The following TENM3 variants were observed in gnomAD, a reference collection of about 807,000 sequenced individuals.
TENM3 encodes teneurin transmembrane protein 3.
Under a neutral mutation model 255.1 loss-of-function variants are expected in TENM3, and 63 were observed. The observed-to-expected ratio is 0.25, with a 90% CI of 0.20 to 0.30. The LOEUF (loss-of-function observed/expected upper bound fraction) is 0.30, where lower values mean the gene tolerates loss of function less well. Among genes scored for constraint, TENM3 ranks in the 10% least tolerant of loss-of-function variants. The probability of loss-of-function intolerance (pLI) is 1.00; values close to 1 mark genes in which losing one functional copy is unlikely to be tolerated. For missense variants in TENM3, 2,929 were observed against 3,461.1 expected, an observed-to-expected ratio of 0.85 and a Z score of 3.86; for synonymous variants, 1,306 against 1,322.3, an observed-to-expected ratio of 0.99 and a Z score of 0.27.
chr4:182,356,328 C>T (rs985067022), intron 3 of TENM3, among the ~76,000 whole-genome samples: 3 of 152,062 alleles, frequency 2.0e-5, no homozygotes, highest in African/African-American at 7.2e-5. Context: ...CATAGTGAGA[C>T]CCCATCTCAG....
At chr4:181,572,799 A>T in the TENM3 span, among the ~76,000 whole-genome samples, 5 of 152,178 alleles carry the variant, frequency 3.3e-5, no homozygotes, top group Non-Finnish European at 5.9e-5. Context: ...GTTGACTGTA[A>T]TCACTTTGCT....
the TENM3 span, among the ~76,000 whole-genome samples, chr4:181,734,477 T>C: frequency 6.6e-6 from 1 of 152,032 alleles, no homozygotes; most frequent in East Asian, 1.9e-4. Context: ...ATGGAGGAAG[T>C]TGAAGATTTT....
At chr4:182,310,694 A>G (rs545184962) in intron 1 of TENM3, among the ~76,000 whole-genome samples, 11 of 150,754 alleles carry the variant, frequency 7.3e-5, no homozygotes, top group Non-Finnish European at 1.5e-4. Context: ...AGGGAAATAC[A>G]TGAAACAGGT....
chr4:182,444,694 C>A (rs1056938520), intron 3 of TENM3, among the ~76,000 whole-genome samples: 1 of 152,238 alleles, frequency 6.6e-6, no homozygotes, highest in East Asian at 1.9e-4. Flanking sequence ...CTCAAATCCA[C>A]AAGTTATCAA....
rs1176033865 is a variant in TENM3 at position 182,800,357 on chromosome 4, G to T, written c.*6G>T. 2 of 1,526,528 alleles carry T rather than the reference G, an allele frequency of 1.3e-6. No homozygotes were observed. Among genetic ancestry groups the T allele is most frequent in the African/African-American group, 2.8e-5 (2 of 72,654 alleles). The allele number at this position is 1,526,528 out of a possible 1,614,324, so 94.6% of individuals were successfully genotyped here. ...GCGAGATCGGCAGGAGGTAACGCCCGGGCCGCGCCCGCCGAGCCGCTCACG... is the reference window on the plus strand; with the variant it reads ...GCGAGATCGGCAGGAGGTAACGCCCTGGCCGCGCCCGCCGAGCCGCTCACG... On this transcript the variant is annotated 3_prime_UTR_variant, in exon 28 of 28. Coordinates refer to ENST00000511685, the MANE Select transcript of TENM3 (RefSeq NM_001080477.4).
At chr4:182,176,283 A>C (rs888871542) in intron 1 of TENM3, among the ~76,000 whole-genome samples, 27 of 152,182 alleles carry the variant, frequency 1.8e-4, no homozygotes, top group African/African-American at 6.3e-4. Flanking sequence ...AAAATGAACT[A>C]GCAGTGTTTG....
intron 13 of TENM3, among the ~76,000 whole-genome samples, chr4:182,724,192 G>A (rs1476662052): frequency 6.6e-6 from 1 of 152,112 alleles, no homozygotes; most frequent in African/African-American, 2.4e-5. Context: ...AATGCTATTA[G>A]ACATGGCTTC....
At chr4:182,540,414 AC>A (rs1431955571) in intron 3 of TENM3, among the ~76,000 whole-genome samples, 1 of 151,758 alleles carries the variant, frequency 6.6e-6, no homozygotes, top group East Asian at 1.9e-4. Context: ...ACATGGAGAA[AC>A]CCCGTCTCTA....
chr4:182,566,627 C>CAGCTT (rs1478015272), intron 3 of TENM3, among the ~76,000 whole-genome samples: 1 of 152,216 alleles, frequency 6.6e-6, no homozygotes, highest in Non-Finnish European at 1.5e-5. Flanking sequence ...TGGCCAACAG[C>CAGCTT]AGCTATCCAT....
the TENM3 span, among the ~76,000 whole-genome samples, chr4:181,972,943 C>T: frequency 6.6e-6 from 1 of 152,066 alleles, no homozygotes; most frequent in African/African-American, 2.4e-5. Flanking sequence ...AAAAAAAATC[C>T]CTGACTGCAG....
At chr4:181,612,078 T>C in the TENM3 span, among the ~76,000 whole-genome samples, 1 of 152,304 alleles carries the variant, frequency 6.6e-6, no homozygotes, top group Non-Finnish European at 1.5e-5. Flanking sequence ...AGGGATCTCG[T>C]GTTCCTTTGC....
chr4:182,598,939 CTATAA>C (rs1021025523), intron 3 of TENM3, among the ~76,000 whole-genome samples: 4 of 152,168 alleles, frequency 2.6e-5, no homozygotes, highest in African/African-American at 7.2e-5. Flanking sequence ...AATTTCTTCT[CTATAA>C]TATAATATTC....
At chr4:182,753,344 C>T (rs1011162579) in intron 20 of TENM3, 106 bp from the exon 21 acceptor site, 5 of 893,856 alleles carry the variant, frequency 5.6e-6, no homozygotes, top group South Asian at 1.7e-5. Context: ...ACCTGTCACC[C>T]GTGTTGTCAC....
At chr4:182,590,618 G>T (rs562373788) in intron 3 of TENM3, among the ~76,000 whole-genome samples, 1 of 150,776 alleles carries the variant, frequency 6.6e-6, no homozygotes, top group South Asian at 2.1e-4. Flanking sequence ...CCAACACTTT[G>T]GGGGGCTGAG....
chr4:182,579,419 G>T (rs1000401504), intron 3 of TENM3, among the ~76,000 whole-genome samples: 1 of 152,116 alleles, frequency 6.6e-6, no homozygotes, highest in African/African-American at 2.4e-5. Flanking sequence ...CAAGAAAATT[G>T]TTGATTTGGA....
chr4:181,481,553 A>G, the TENM3 span, among the ~76,000 whole-genome samples: 817 of 152,312 alleles, frequency 5.4e-3, 8 homozygotes, highest in African/African-American at 0.019. Flanking sequence ...AATAGTTATT[A>G]GTATCTCACA....
At chr4:181,483,882 T>C in the TENM3 span, among the ~76,000 whole-genome samples, 2 of 152,170 alleles carry the variant, frequency 1.3e-5, no homozygotes, top group African/African-American at 4.8e-5. Context: ...GTAAACTTCT[T>C]TTCTCTGTAG....
chr4:182,441,095 T>A (rs1013277008), intron 3 of TENM3, among the ~76,000 whole-genome samples: 1 of 152,178 alleles, frequency 6.6e-6, no homozygotes, highest in East Asian at 1.9e-4. Context: ...GTGTGTGGTG[T>A]AATTTAGACT....
the TENM3 span, among the ~76,000 whole-genome samples, chr4:181,679,870 T>C: frequency 6.6e-6 from 1 of 152,180 alleles, no homozygotes; most frequent in Non-Finnish European, 1.5e-5. Flanking sequence ...GCATTATTTA[T>C]GTAGTTAGTT....
Sources: gnomAD v4.1 joint callset for allele counts (sites outside exome capture counted in the v4.1 genomes callset) on GRCh38, gnomAD v4.1.1 for gene constraint, MANE v1.5 for transcripts, NCBI Gene and HGNC (gene_info 2026-07-23, HGNC 2026-07-21) for gene names.